Variants in RIN2 observed in about 807,000 individuals in gnomAD.
The protein encoded by RIN2 is RAB5 interacting protein 2.
In RIN2, 36 loss-of-function variants were observed where a neutral mutation model predicts 78.0. That is an observed-to-expected ratio of 0.46 (90% CI 0.35 to 0.61). RIN2 has a LOEUF of 0.61. RIN2 is among the 20% of genes least tolerant of loss of function. The pLI is 0.00. For missense variants in RIN2, 1,087 were observed against 1,159.7 expected (o/e 0.94, Z 0.91); for synonymous variants, 466 against 466.8 (o/e 1.00, Z 0.02).
At chr20:19,953,507 T>A (rs938989955) in intron 4 of RIN2, among the ~76,000 whole-genome samples, 1 of 151,984 alleles carries the variant, frequency 6.6e-6, no homozygotes. Context: ...TGGCACGATC[T>A]CCACTCACTG....
intron 4 of RIN2, among the ~76,000 whole-genome samples, chr20:19,956,318 C>A: frequency 6.8e-6 from 1 of 146,480 alleles, no homozygotes; most frequent in Admixed American, 6.8e-5. Flanking sequence ...TGTCGGAAGA[C>A]AAAGCCTGAA....
At chr20:19,855,924 A>G (rs1473484994) in intron 2 of RIN2, among the ~76,000 whole-genome samples, 2 of 152,068 alleles carry the variant, frequency 1.3e-5, no homozygotes, top group Non-Finnish European at 2.9e-5. Context: ...AAATACAAAA[A>G]TTAGCAGGGT....
intron 4 of RIN2, among the ~76,000 whole-genome samples, chr20:19,940,131 C>T (rs955257836): frequency 1.3e-5 from 2 of 152,184 alleles, no homozygotes; most frequent in African/African-American, 2.4e-5. Flanking sequence ...GGATCACAAG[C>T]GTGTGCCACC....
intron 3 of RIN2, among the ~76,000 whole-genome samples, chr20:19,907,781 A>T (rs746190350): frequency 6.6e-6 from 1 of 152,152 alleles, no homozygotes; most frequent in Non-Finnish European, 1.5e-5. Flanking sequence ...TGTGTACCTC[A>T]CCTGGGTAAA....
At chr20:19,876,123 G>C (rs1318580855) in intron 2 of RIN2, among the ~76,000 whole-genome samples, 1 of 152,200 alleles carries the variant, frequency 6.6e-6, no homozygotes, top group Non-Finnish European at 1.5e-5. Flanking sequence ...ACTGCTTCTC[G>C]TACTTTTTTC....
At chr20:19,801,165 A>C (rs567382283) in intron 2 of RIN2, among the ~76,000 whole-genome samples, 68 of 152,360 alleles carry the variant, frequency 4.5e-4, no homozygotes, top group Middle Eastern at 3.4e-3. Flanking sequence ...ACTTAAGTGT[A>C]GAGTTCTCTC....
chr20:19,850,439 A>G (rs192282997), intron 2 of RIN2, among the ~76,000 whole-genome samples: 4 of 152,286 alleles, frequency 2.6e-5, no homozygotes, highest in African/African-American at 7.2e-5. Flanking sequence ...ACTCTAGACA[A>G]TGCACAGAAC....
chr20:19,788,438 A>AC (rs2034764612), intron 1 of RIN2, among the ~76,000 whole-genome samples: 6 of 140,298 alleles, frequency 4.3e-5, no homozygotes, highest in Non-Finnish European at 6.1e-5. Context: ...CTGCCAAAAA[A>AC]AAAAAAAAAA....
intron 2 of RIN2, among the ~76,000 whole-genome samples, chr20:19,826,601 ATGAC>A (rs1243098490): frequency 6.6e-6 from 1 of 152,226 alleles, no homozygotes; most frequent in African/African-American, 2.4e-5. Context: ...CAGTACATGA[ATGAC>A]TGGTGTTTAG....
chr20:19,948,820 T>G (rs146429217), intron 4 of RIN2, among the ~76,000 whole-genome samples: 2 of 152,254 alleles, frequency 1.3e-5, no homozygotes, highest in African/African-American at 4.8e-5. Context: ...ATTTATTTAT[T>G]GAGACAAGGT....
chr20:19,851,691 C>T (rs1045365991), intron 2 of RIN2, among the ~76,000 whole-genome samples: 1 of 152,094 alleles, frequency 6.6e-6, no homozygotes, highest in Admixed American at 6.5e-5. Flanking sequence ...TACTACACTC[C>T]AACCTGGGCA....
At chr20:19,794,137 T>C (rs1277103132) in intron 1 of RIN2, among the ~76,000 whole-genome samples, 2 of 151,834 alleles carry the variant, frequency 1.3e-5, no homozygotes, top group East Asian at 3.9e-4. Context: ...CAAAGAATAA[T>C]GCATCTATAG....
chr20:19,962,938 G>T (rs559231626), intron 6 of RIN2, among the ~76,000 whole-genome samples: 1 of 152,186 alleles, frequency 6.6e-6, no homozygotes, highest in Non-Finnish European at 1.5e-5. Flanking sequence ...CAGCCTGGGC[G>T]ACAGAGTGAG....
upstream of RIN2, chr20:19,758,069 C>A (rs1224228980): frequency 2.0e-5 from 3 of 152,434 alleles, no homozygotes; most frequent in Admixed American, 2.0e-4. Flanking sequence ...CGCCCCATCT[C>A]CTCTGCGAGC....
intron 4 of RIN2, among the ~76,000 whole-genome samples, chr20:19,947,794 G>A (rs1020531053): frequency 4.6e-5 from 7 of 152,242 alleles, no homozygotes; most frequent in African/African-American, 1.7e-4. Flanking sequence ...AGACATGGGC[G>A]GAGCCTGCCG....
At chr20:19,858,961 C>T (rs2037249141) in intron 2 of RIN2, among the ~76,000 whole-genome samples, 1 of 152,148 alleles carries the variant, frequency 6.6e-6, no homozygotes, top group Admixed American at 6.6e-5. Flanking sequence ...GGACAGAATA[C>T]ATTTCTTAAA....
intron 3 of RIN2, among the ~76,000 whole-genome samples, chr20:19,929,912 G>C (rs2040373752): frequency 6.6e-6 from 1 of 152,190 alleles, no homozygotes; most frequent in Non-Finnish European, 1.5e-5. Flanking sequence ...AGGGGAGGAA[G>C]TGTTTTGTGA....
At position 19,932,184 on chromosome 20, in the gene RIN2, C is replaced by T. The variant is rs552324526; in HGVS notation, c.58-2915C>T. Among the ~76,000 whole-genome samples the T allele has an allele frequency of 7.2e-5, 11 of 152,246 alleles. No individual in the cohort carries two copies. In the East Asian group the frequency reaches 1.2e-3, roughly 16 times the overall value. ...TGAATTAATGCCGTTATCTTGGTAG[C>T]GGGTTAGTTTTCAAAGACGTGGTTT... is the stretch of plus-strand genomic sequence containing the variant. On this transcript the variant is annotated intron_variant, in intron 3 of 12. Transcript: ENST00000255006.
intron 1 of RIN2, among the ~76,000 whole-genome samples, chr20:19,777,570 A>G (rs1276179646): frequency 1.3e-5 from 2 of 152,262 alleles, no homozygotes; most frequent in African/African-American, 2.4e-5. Context: ...ATGACCATTT[A>G]AAACGAATTC....
Sources: allele counts gnomAD v4.1 joint callset (sites outside exome capture counted in the v4.1 genomes callset), GRCh38; gene constraint gnomAD v4.1.1; transcripts MANE v1.5; gene names NCBI Gene and HGNC (gene_info 2026-07-23, HGNC 2026-07-21).